The following RALGPS2 variants were observed in gnomAD, a reference collection of about 807,000 sequenced individuals.
RALGPS2 encodes the protein ras-specific guanine nucleotide-releasing factor RalGPS2.
RALGPS2 carries 43 observed loss-of-function variants against 86.8 expected under a neutral mutation model. The observed-to-expected ratio is 0.50, with a 90% CI of 0.39 to 0.64. The LOEUF (loss-of-function observed/expected upper bound fraction) is 0.64. Among genes scored for constraint, RALGPS2 ranks in the 30% least tolerant of loss-of-function variants. The pLI is 0.00. For missense variants in RALGPS2, 536 were observed against 694.6 expected (o/e 0.77, Z 2.57); for synonymous variants, 243 against 231.3 (o/e 1.05, Z -0.46).
intron 1 of RALGPS2, chr1:178,746,771 G>C (rs1312991969): frequency 1.2e-6 from 1 of 842,994 alleles, no homozygotes; most frequent in Non-Finnish European, 2.1e-6. Flanking sequence ...AGCTGTGGTG[G>C]CCTTTCTGTC....
chr1:178,837,357 A>C (rs186511935), intron 8 of RALGPS2, among the ~76,000 whole-genome samples: 38 of 152,144 alleles, frequency 2.5e-4, no homozygotes, highest in Non-Finnish European at 4.6e-4. Flanking sequence ...TCTTCCTCCA[A>C]ACTTGATCCC....
intron 1 of RALGPS2, among the ~76,000 whole-genome samples, chr1:178,735,431 CTTTTTTT>C (rs565080292): frequency 2.2e-5 from 3 of 134,416 alleles, no homozygotes; most frequent in East Asian, 2.1e-4. Context: ...TTTTTCTTTT[CTTTTTTT>C]TTTTTTTTTG....
chr1:178,760,558 A>G (rs1024003228), intron 1 of RALGPS2, among the ~76,000 whole-genome samples: 3 of 151,940 alleles, frequency 2.0e-5, no homozygotes, highest in East Asian at 1.9e-4. Flanking sequence ...CTTTGAGCCT[A>G]TGGGTGTCAT....
intron 1 of RALGPS2, among the ~76,000 whole-genome samples, chr1:178,774,503 G>A (rs1652982775): frequency 1.3e-5 from 2 of 152,126 alleles, no homozygotes; most frequent in African/African-American, 4.8e-5. Flanking sequence ...ACTTAATGTT[G>A]CCTAGAAAGT....
intron 16 of RALGPS2, among the ~76,000 whole-genome samples, chr1:178,896,557 C>T (rs1659947889): frequency 6.8e-6 from 1 of 147,002 alleles, no homozygotes; most frequent in African/African-American, 2.5e-5. Context: ...CATGCTGGTG[C>T]GCTGCACCCA....
intron 5 of RALGPS2, among the ~76,000 whole-genome samples, chr1:178,808,382 T>C (rs1009100701): frequency 6.6e-6 from 1 of 152,094 alleles, no homozygotes; most frequent in Non-Finnish European, 1.5e-5. Flanking sequence ...TTCTGAGTGA[T>C]TTCCTCAGAT....
chr1:178,865,017 C>G, intron 8 of RALGPS2: 8 of 1,477,878 alleles, frequency 5.4e-6, no homozygotes, highest in Non-Finnish European at 7.2e-6. Flanking sequence ...GTTGCCAGAT[C>G]AGGTGGTGGC....
Position 178,919,750 on chromosome 1 carries a change from A to G in RALGPS2, c.*3391A>G, listed in dbSNP as rs1285963922. The G allele has an allele frequency of 6.6e-6, 1 of 152,014 alleles. No individual in the cohort carries two copies. The highest frequency in any genetic ancestry group is 6.6e-5 in the Admixed American group (1 of 15,242). The allele number at this position is 152,014 out of a possible 1,614,324, so 9.4% of individuals were successfully genotyped here. ...TTTTAAATGAATAGATCTGGTATTG[A>G]TTTCCTTCCTGTTTTTTTGAGGCAC... On this transcript the variant is annotated 3_prime_UTR_variant, in exon 20 of 20. Coordinates refer to ENST00000367635, the MANE Select transcript of RALGPS2 (RefSeq NM_152663.5).
At chr1:178,832,257 CGTT>C (rs1656060403) in intron 7 of RALGPS2, among the ~76,000 whole-genome samples, 2 of 152,078 alleles carry the variant, frequency 1.3e-5, no homozygotes, top group South Asian at 2.1e-4. Flanking sequence ...GACCCCTTGA[CGTT>C]GTATTTTAAA....
chr1:178,856,202 G>GAT (rs55797277), intron 8 of RALGPS2, among the ~76,000 whole-genome samples: 1,666 of 83,726 alleles, frequency 0.02, 16 homozygotes, highest in Non-Finnish European at 0.024. Flanking sequence ...GAGAGAGAGA[G>GAT]ATATATATAT....
At chr1:178,905,063 G>A (rs376355770) in intron 18 of RALGPS2, among the ~76,000 whole-genome samples, 15 of 151,700 alleles carry the variant, frequency 9.9e-5, no homozygotes, top group African/African-American at 9.7e-5. Flanking sequence ...GAGCTCTTTC[G>A]ACTCCTTTGT....
chr1:178,852,689 A>T, intron 8 of RALGPS2: 1 of 1,612,138 alleles, frequency 6.2e-7, no homozygotes. Flanking sequence ...TTACCTGCAT[A>T]CATATCTTTA....
In RALGPS2 at chr1:178,913,763, C is replaced by G. The variant is rs368812198; in HGVS notation, c.1723-2567C>G. ...CAGAGAACCAAGGTTCAGCTTGGCACTCCTGGGCTGTGTCCTGTAACTCCC... is the reference window on the plus strand; with the variant it reads ...CAGAGAACCAAGGTTCAGCTTGGCAGTCCTGGGCTGTGTCCTGTAACTCCC... On this transcript the variant is annotated intron_variant, in intron 19 of 19. Transcript: ENST00000367635. 3.9e-5 allele frequency among the ~76,000 whole-genome samples: 6 copies of G among 152,292 alleles called. No individual in the cohort carries two copies. The East Asian group carries it at 9.6e-4, about 24-fold the overall frequency.
chr1:178,728,586 T>C (rs1015975460), intron 1 of RALGPS2, among the ~76,000 whole-genome samples: 7 of 152,126 alleles, frequency 4.6e-5, no homozygotes, highest in Non-Finnish European at 1.0e-4. Flanking sequence ...TTTTTTAAGT[T>C]AATTTTCAAT....
In RALGPS2 at chr1:178,878,933, T is replaced by C; in HGVS notation, c.777T>C (p.Tyr259=). The C allele has an allele frequency of 6.2e-7, 1 of 1,612,570 alleles. No homozygotes were observed. Among genetic ancestry groups the C allele is most frequent in the Non-Finnish European group, 8.5e-7 (1 of 1,179,348 alleles). ...CCATGTTGCCTCATGTCCAAAAATA[T>C]CTCAACTCTGTTCAGTATATAGAAG... The part of the protein sequence containing the change: ...DIPMLPHVQK[Y]LNSVQYIEEL... The change falls in exon 10 of 20, where the codon TAT becomes TAC. Residue 259 remains tyrosine (Y), a synonymous_variant. Coordinates refer to ENST00000367635, the MANE Select transcript of RALGPS2 (RefSeq NM_152663.5).
chr1:178,817,345 TAAAAAAAAAAAAA>T (rs142692953), intron 6 of RALGPS2, among the ~76,000 whole-genome samples: 6 of 98,050 alleles, frequency 6.1e-5, no homozygotes, highest in Non-Finnish European at 1.2e-4. Flanking sequence ...TGTCTCAATT[TAAAAAAAAAAAAA>T]AAAAAAAAAA....
chr1:178,811,683 A>G (rs1654982147), intron 6 of RALGPS2, among the ~76,000 whole-genome samples: 1 of 152,180 alleles, frequency 6.6e-6, no homozygotes, highest in Non-Finnish European at 1.5e-5. Context: ...GGATTATGGT[A>G]AAGTATGATA....
At chr1:178,828,468 A>G (rs903540208) in intron 7 of RALGPS2, among the ~76,000 whole-genome samples, 2 of 152,216 alleles carry the variant, frequency 1.3e-5, no homozygotes, top group African/African-American at 4.8e-5. Flanking sequence ...CACAGTAAAA[A>G]ATACAGTATT....
chr1:178,770,688 G>A (rs1196498312), intron 1 of RALGPS2, among the ~76,000 whole-genome samples: 1 of 151,740 alleles, frequency 6.6e-6, no homozygotes, highest in East Asian at 1.9e-4. Flanking sequence ...TGTTGGCCAG[G>A]CTGGTCTCGA....
Sources: gnomAD v4.1 joint callset for allele counts (sites outside exome capture counted in the v4.1 genomes callset) on GRCh38, gnomAD v4.1.1 for gene constraint, MANE v1.5 for transcripts, NCBI Gene and HGNC (gene_info 2026-07-23, HGNC 2026-07-21) for gene names.